The following SHANK2 variants were observed in gnomAD, a reference collection of about 807,000 sequenced individuals.
SHANK2 encodes SH3 and multiple ankyrin repeat domains 2.
SHANK2 carries 43 observed loss-of-function variants against 133.7 expected under a neutral mutation model. The observed-to-expected ratio is 0.32, with a 90% CI of 0.25 to 0.41. The LOEUF is 0.41. Ranked by LOEUF, SHANK2 falls within the 10% of genes least tolerant of loss-of-function variation. The pLI is 1.00. For missense variants in SHANK2, 1,994 were observed against 2,235.8 expected (o/e 0.89, Z 2.18); for synonymous variants, 1,017 against 952.8 (o/e 1.07, Z -1.24).
intron 11 of SHANK2, among the ~76,000 whole-genome samples, chr11:70,881,189 C>A (rs1428825259): frequency 6.6e-6 from 1 of 152,148 alleles, no homozygotes; most frequent in Non-Finnish European, 1.5e-5. Flanking sequence ...AGGCCTGCAC[C>A]ACCACGCTTG....
intron 14 of SHANK2, among the ~76,000 whole-genome samples, chr11:70,792,364 T>TAACCAACC (rs1262625901): frequency 3.0e-5 from 3 of 99,018 alleles, no homozygotes; most frequent in Non-Finnish European, 6.4e-5. Context: ...GCTAGCTAAT[T>TAACCAACC]AACCAACCAA....
chr11:70,682,733 G>A (rs1945054589), intron 15 of SHANK2, among the ~76,000 whole-genome samples: 1 of 152,206 alleles, frequency 6.6e-6, no homozygotes, highest in Non-Finnish European at 1.5e-5. Flanking sequence ...TGGAGCCCTT[G>A]TCCTCCCAGG....
At chr11:70,930,441 G>T (rs183209275) in intron 10 of SHANK2, among the ~76,000 whole-genome samples, 44 of 152,280 alleles carry the variant, frequency 2.9e-4, no homozygotes, top group Admixed American at 2.4e-3. Flanking sequence ...GCATAACTGG[G>T]TCCAAGCTGA....
chr11:71,082,944 C>A (rs1951320294), intron 8 of SHANK2, among the ~76,000 whole-genome samples: 1 of 122,592 alleles, frequency 8.2e-6, no homozygotes, highest in African/African-American at 3.3e-5. Context: ...TTAACGCCCG[C>A]CCCCCCCCCA....
At chr11:71,155,522 C>G (rs55988920) in intron 2 of SHANK2, among the ~76,000 whole-genome samples, 47,402 of 151,840 alleles carry the variant, frequency 0.31, 8,839 homozygotes, top group African/African-American at 0.51. Flanking sequence ...CAGCCACACC[C>G]TCAACATGGA....
rs150146784 is a variant in SHANK2 at position 70,903,923 on chromosome 11, C to T, written c.1108-7356G>A. On this transcript the variant is annotated intron_variant, in intron 10 of 25. Transcript: ENST00000601538. ...CCAAACCCTCCTTCTCCCCGAAATG[C>T]CCCACTTTGATGCTGTGTAAGCAGG... Among the ~76,000 whole-genome samples, 24 of 152,306 alleles carry T rather than the reference C, an allele frequency of 1.6e-4. No individual in the cohort carries two copies. In the East Asian group the frequency reaches 3.3e-3, roughly 21 times the overall value.
intron 17 of SHANK2, among the ~76,000 whole-genome samples, chr11:70,626,029 G>A (rs1554999845): frequency 2.0e-5 from 3 of 151,962 alleles, no homozygotes; most frequent in African/African-American, 7.2e-5. Flanking sequence ...CTCCAGTTCC[G>A]CTGCCTTGTT....
At chr11:71,163,925 G>A (rs1953083487) in intron 2 of SHANK2, among the ~76,000 whole-genome samples, 1 of 152,178 alleles carries the variant, frequency 6.6e-6, no homozygotes, top group Non-Finnish European at 1.5e-5. Flanking sequence ...TCTAGAGCAG[G>A]TTTAGGTGTA....
At chr11:71,069,709 A>C (rs964113728) in intron 9 of SHANK2, among the ~76,000 whole-genome samples, 3 of 152,240 alleles carry the variant, frequency 2.0e-5, no homozygotes, top group Non-Finnish European at 4.4e-5. Flanking sequence ...CAGCATAGCA[A>C]GGCAAGGCAA....
chr11:70,506,688 C>T (rs555317776), intron 17 of SHANK2, among the ~76,000 whole-genome samples: 41 of 152,258 alleles, frequency 2.7e-4, no homozygotes, highest in South Asian at 4.1e-4. Context: ...CTCCCTCCTG[C>T]TTCATGGAGG....
intron 9 of SHANK2, among the ~76,000 whole-genome samples, chr11:71,058,304 C>T (rs1198374930): frequency 2.0e-5 from 3 of 152,132 alleles, no homozygotes; most frequent in African/African-American, 7.2e-5. Context: ...TCTGAAGCTC[C>T]CAGTGAGGAC....
chr11:70,671,494 C>T (rs527677790), intron 15 of SHANK2, among the ~76,000 whole-genome samples: 2 of 152,230 alleles, frequency 1.3e-5, no homozygotes, highest in African/African-American at 2.4e-5. Context: ...CAGGATTCAG[C>T]ACTCAGCAGG....
At position 71,147,258 on chromosome 11, in the gene SHANK2, C is replaced by T. The variant is rs1469817732; in HGVS notation, c.69G>A (p.Ser23=). 1.5e-5 allele frequency: 24 copies of T among 1,550,860 alleles called. No individual in the cohort carries two copies. The highest frequency in any genetic ancestry group is 2.0e-5 in the Admixed American group (1 of 50,978). ...TCTCTTCTTTGGAGCTGTCTGACTC[C>T]GACCCCACGGAGTAGTCGGAGAAGC... ...AQSFSDYSVG[S]ESDSSKEETI... Residue 23 remains serine (S), a synonymous_variant, in exon 3 of 26, where the codon TCG becomes TCA. Coordinates refer to ENST00000601538, the MANE Select transcript of SHANK2 (RefSeq NM_012309.5).
At chr11:70,533,932 T>C (rs1027637738) in intron 17 of SHANK2, among the ~76,000 whole-genome samples, 2 of 152,328 alleles carry the variant, frequency 1.3e-5, no homozygotes, top group South Asian at 2.1e-4. Flanking sequence ...AGGTGGCACG[T>C]CTCATCACTT....
chr11:71,068,030 GCCA>G (rs1249715335), intron 9 of SHANK2, among the ~76,000 whole-genome samples: 455 of 150,052 alleles, frequency 3.0e-3, no homozygotes, highest in Non-Finnish European at 5.4e-3. Flanking sequence ...TAGCATCATC[GCCA>G]CCATCGCCAT....
intron 14 of SHANK2, among the ~76,000 whole-genome samples, chr11:70,729,526 AT>A (rs1313198775): frequency 0.037 from 5,040 of 137,558 alleles, 107 homozygotes; most frequent in Non-Finnish European, 0.053. Flanking sequence ...TACTTTCTTC[AT>A]TTTTTTTTTT....
intron 10 of SHANK2, among the ~76,000 whole-genome samples, chr11:70,918,047 AT>A (rs1739764271): frequency 6.6e-6 from 1 of 151,298 alleles, no homozygotes; most frequent in Non-Finnish European, 1.5e-5. Flanking sequence ...TTTTTTTTAA[AT>A]AAGGCCAACA....
chr11:70,516,628 C>T (rs1262259418), intron 17 of SHANK2, among the ~76,000 whole-genome samples: 1 of 152,230 alleles, frequency 6.6e-6, no homozygotes, highest in East Asian at 1.9e-4. Context: ...TAAATTAACT[C>T]TGCAAAATGC....
intron 9 of SHANK2, among the ~76,000 whole-genome samples, chr11:71,060,839 G>A (rs953589328): frequency 2.6e-5 from 4 of 152,226 alleles, no homozygotes; most frequent in Non-Finnish European, 5.9e-5. Flanking sequence ...GCCGATATAG[G>A]GTGACGCTCC....
Sources: allele counts gnomAD v4.1 joint callset (sites outside exome capture counted in the v4.1 genomes callset), GRCh38; gene constraint gnomAD v4.1.1; transcripts MANE v1.5; gene names NCBI Gene and HGNC (gene_info 2026-07-23, HGNC 2026-07-21).